SIK3: variants seen among roughly 807,000 people sequenced by gnomAD.
The protein encoded by SIK3 is serine/threonine-protein kinase SIK3.
In SIK3, 28 loss-of-function variants were observed where a neutral mutation model predicts 144.2. That is an observed-to-expected ratio of 0.19 (90% confidence interval 0.14 to 0.27). The LOEUF (loss-of-function observed/expected upper bound fraction) is 0.27, where lower values mean the gene tolerates loss of function less well. SIK3 is among the 10% of genes least tolerant of loss of function. The probability of loss-of-function intolerance (pLI) is 1.00; values close to 1 mark genes in which losing one functional copy is unlikely to be tolerated. For synonymous variants in SIK3, 686 were observed against 676.3 expected (o/e 1.01, Z -0.22); for missense variants, 1,319 against 1,776.0 (o/e 0.74, Z 4.62).
At chr11:117,082,439 A>G (rs1954829856) in intron 1 of SIK3, among the ~76,000 whole-genome samples, 1 of 152,260 alleles carries the variant, frequency 6.6e-6, no homozygotes, top group Non-Finnish European at 1.5e-5. Flanking sequence ...AATATTATTC[A>G]GCCATAAAAA....
chr11:117,054,329 T>C (rs1350745977), intron 1 of SIK3, among the ~76,000 whole-genome samples: 1 of 152,114 alleles, frequency 6.6e-6, no homozygotes, highest in Non-Finnish European at 1.5e-5. Flanking sequence ...GAGTACAGGG[T>C]GCAGTCACAG....
At chr11:116,940,523 G>A (rs937495357) in intron 3 of SIK3, among the ~76,000 whole-genome samples, 1 of 152,048 alleles carries the variant, frequency 6.6e-6, no homozygotes, top group African/African-American at 2.4e-5. Flanking sequence ...GAGCCACCAT[G>A]CCTGGCCCTT....
In SIK3 at chr11:117,035,869, A is replaced by G. The variant is rs533600029; in HGVS notation, c.273+62274T>C. The G allele has an allele frequency of 7.1e-4, 1,140 of 1,595,676 alleles. 1 individual carries two copies. Among genetic ancestry groups the G allele is most frequent in the Non-Finnish European group, 8.4e-4 (986 of 1,178,068 alleles). On this transcript the variant is annotated intron_variant, in intron 1 of 24. Transcript: ENST00000445177. Reference sequence around the variant, plus strand: ...TTCCTCCTGTAGGCTGGCAGAGGACAGTGGAGCAGCCAACACACAAAACTA... The same window carrying G: ...TTCCTCCTGTAGGCTGGCAGAGGACGGTGGAGCAGCCAACACACAAAACTA...
chr11:116,850,403 T>C (rs1199748742), intron 21 of SIK3, among the ~76,000 whole-genome samples: 3 of 152,230 alleles, frequency 2.0e-5, no homozygotes, highest in Non-Finnish European at 4.4e-5. Flanking sequence ...TCCTTCTATC[T>C]GCAAATAACT....
intron 22 of SIK3, among the ~76,000 whole-genome samples, chr11:116,848,000 ACAAGTGGCTACTGAGCACTTAAAGTGT>A (rs1565351874): frequency 6.6e-6 from 1 of 152,232 alleles, no homozygotes; most frequent in Non-Finnish European, 1.5e-5. Context: ...ACCAGTAGCC[ACAAGTGGCTACTGAGCACTTAAAGTGT>A]GACTGGGCTG....
chr11:116,848,111 G>A (rs1334585585), intron 22 of SIK3, among the ~76,000 whole-genome samples: 2 of 152,256 alleles, frequency 1.3e-5, no homozygotes, highest in South Asian at 4.1e-4. Flanking sequence ...TCAGGAGATC[G>A]AGACCATCCT....
Position 117,091,189 on chromosome 11 carries a change from G to GT in SIK3, c.273+6953dup, listed in dbSNP as rs1009535801. 2.1e-3 allele frequency among the ~76,000 whole-genome samples: 264 copies of GT among 124,678 alleles called. 2 individuals are homozygous for GT. The highest frequency in any genetic ancestry group is 3.1e-3 in the Non-Finnish European group (176 of 56,800). The allele number at this position is 124,678 out of a possible 152,430, so 81.8% of individuals were successfully genotyped here. ...CTTTAAAAGTCCGTAAAATCCTGAG[G>GT]TTTTTTTTTTCTTTTTTTTTTTTTT... On this transcript the variant is annotated intron_variant, in intron 1 of 24. Transcript: ENST00000445177.
chr11:116,859,171 A>C, intron 20 of SIK3, 94 bp downstream of exon 20: 4 of 1,154,052 alleles, frequency 3.5e-6, no homozygotes, highest in Non-Finnish European at 4.9e-6. Flanking sequence ...AGTCAGACCC[A>C]TTCTCCTTCC....
intron 1 of SIK3, among the ~76,000 whole-genome samples, chr11:117,009,691 T>C (rs1467232148): frequency 2.0e-5 from 3 of 152,228 alleles, no homozygotes; most frequent in Non-Finnish European, 4.4e-5. Context: ...ACTATTATTA[T>C]AGCATTCTCT....
rs527242445 is a variant in SIK3, at chr11:117,062,464, C to T, written c.273+35679G>A. ...TTCCAGTTTAGTTTCAACAATGAAC[C>T]ATCTAAGCCAGGCAAGAAATTTAAC... On this transcript the variant is annotated intron_variant, in intron 1 of 24. Coordinates refer to ENST00000445177, the MANE Select transcript of SIK3 (RefSeq NM_001366686.3). 3.3e-5 allele frequency among the ~76,000 whole-genome samples: 5 copies of T among 152,194 alleles called. No homozygotes were observed. In the South Asian group the frequency reaches 1.0e-3, roughly 32 times the overall value.
chr11:116,895,943 A>G (rs1414964035), intron 6 of SIK3, among the ~76,000 whole-genome samples: 5 of 152,238 alleles, frequency 3.3e-5, no homozygotes, highest in Admixed American at 3.3e-4. Flanking sequence ...CTGAGTCTTC[A>G]CATACATTAT....
intron 1 of SIK3, among the ~76,000 whole-genome samples, chr11:116,966,871 G>A (rs1440156554): frequency 6.6e-6 from 1 of 151,728 alleles, no homozygotes; most frequent in Non-Finnish European, 1.5e-5. Context: ...CAAGCATGGT[G>A]GCGTGGGCCT....
Position 117,066,815 on chromosome 11 carries a change from T to A in SIK3, c.273+31328A>T, listed in dbSNP as rs750916885. On this transcript the variant is annotated intron_variant, in intron 1 of 24. Transcript: ENST00000445177. ...TCCCAAAGTGCTGGGATTACAGGCA[T>A]GCATGAGCCACTGTGCCCGGTCAGC... Among the ~76,000 whole-genome samples the A allele has an allele frequency of 5.9e-5, 9 of 152,302 alleles. No homozygotes were observed. In the South Asian group the frequency reaches 1.0e-3, roughly 18 times the overall value.
intron 1 of SIK3, among the ~76,000 whole-genome samples, chr11:117,014,936 C>CACCTTTA (rs1283648810): frequency 6.6e-6 from 1 of 152,000 alleles, no homozygotes; most frequent in African/African-American, 2.4e-5. Context: ...CGATAGTGTG[C>CACCTTTA]ACCTTTAGTC....
intron 1 of SIK3, among the ~76,000 whole-genome samples, chr11:117,072,199 C>T (rs1284899489): frequency 1.3e-5 from 2 of 151,966 alleles, no homozygotes; most frequent in African/African-American, 2.4e-5. Flanking sequence ...ACCAGCCTGG[C>T]CAACATGGCA....
chr11:116,972,864 T>G (rs187487677), intron 1 of SIK3, among the ~76,000 whole-genome samples: 99 of 152,138 alleles, frequency 6.5e-4, no homozygotes, highest in African/African-American at 1.6e-3. Flanking sequence ...TATCCTCCCT[T>G]TCTTCCAAGT....
intron 1 of SIK3, among the ~76,000 whole-genome samples, chr11:117,066,157 C>A (rs1362031061): frequency 1.3e-5 from 2 of 151,388 alleles, no homozygotes; most frequent in African/African-American, 4.9e-5. Flanking sequence ...GCAACCTCCG[C>A]CTCCGGATTC....
rs561625660 is a variant in SIK3, at chr11:116,887,387, C to T, written c.865+8866G>A. ...ATCCCAGCACTTTGGGAAGCCGAGG[C>T]GGGCAGATCACTTGAGGCCAGGAGT... On this transcript the variant is annotated intron_variant, in intron 6 of 24. Coordinates refer to ENST00000445177, the MANE Select transcript of SIK3 (RefSeq NM_001366686.3). 1.4e-4 allele frequency among the ~76,000 whole-genome samples: 22 copies of T among 151,900 alleles called. No homozygotes were observed. The South Asian group carries it at 3.3e-3, about 23-fold the overall frequency.
At chr11:116,953,456 A>G (rs370504969) in intron 3 of SIK3, among the ~76,000 whole-genome samples, 2 of 152,348 alleles carry the variant, frequency 1.3e-5, no homozygotes, top group African/African-American at 4.8e-5. Flanking sequence ...AGCATCTTAA[A>G]AATCAGATTT....
Sources: gnomAD v4.1 joint callset for allele counts (sites outside exome capture counted in the v4.1 genomes callset) on GRCh38, gnomAD v4.1.1 for gene constraint, MANE v1.5 for transcripts, NCBI Gene and HGNC (gene_info 2026-07-23, HGNC 2026-07-21) for gene names.